STK32B: variants seen among roughly 807,000 people sequenced by gnomAD.
STK32B encodes serine/threonine kinase 32B, also known as serine/threonine-protein kinase 32B.
In STK32B, 43 loss-of-function variants were observed where a neutral mutation model predicts 52.6. That is an observed-to-expected ratio of 0.82 (90% CI 0.64 to 1.05). The LOEUF (loss-of-function observed/expected upper bound fraction) is 1.05. STK32B is among the 50% of genes least tolerant of loss of function. The pLI, the probability that STK32B is intolerant of heterozygous loss-of-function variation, is 0.00. For missense variants in STK32B, 621 were observed against 534.6 expected (o/e 1.16, Z -1.59); for synonymous variants, 238 against 204.3 (o/e 1.17, Z -1.41).
At chr4:5,418,380 A>G (rs1004250485) in intron 6 of STK32B, among the ~76,000 whole-genome samples, 1 of 152,234 alleles carries the variant, frequency 6.6e-6, no homozygotes, top group African/African-American at 2.4e-5. Context: ...TTATGCCTAG[A>G]TAATCCCCAT....
At chr4:5,311,070 G>C (rs1730261265) in intron 3 of STK32B, among the ~76,000 whole-genome samples, 1 of 152,070 alleles carries the variant, frequency 6.6e-6, no homozygotes, top group Admixed American at 6.6e-5. Flanking sequence ...ATGGAGGGAG[G>C]ATAGCCAAAG....
chr4:5,082,059 C>G (rs1357923618), intron 1 of STK32B, among the ~76,000 whole-genome samples: 4 of 152,126 alleles, frequency 2.6e-5, no homozygotes, highest in African/African-American at 9.7e-5. Context: ...TACTAGTCAG[C>G]CCAGCTAGGA....
intron 5 of STK32B, among the ~76,000 whole-genome samples, chr4:5,401,204 G>A (rs1338551761): frequency 6.6e-6 from 1 of 152,154 alleles, no homozygotes; most frequent in Non-Finnish European, 1.5e-5. Flanking sequence ...GCCATAAGAT[G>A]AGCAGGACAG....
chr4:5,328,076 A>C (rs1300069532), intron 3 of STK32B, among the ~76,000 whole-genome samples: 1 of 152,168 alleles, frequency 6.6e-6, no homozygotes, highest in Non-Finnish European at 1.5e-5. Context: ...CTTTTTCTGC[A>C]ACTCCCTCAC....
chr4:5,189,372 C>CT (rs1560209435), intron 3 of STK32B, among the ~76,000 whole-genome samples: 1 of 152,226 alleles, frequency 6.6e-6, no homozygotes, highest in Admixed American at 6.5e-5. Context: ...AGAGTTGTGC[C>CT]TTGTCCAGAA....
intron 11 of STK32B, among the ~76,000 whole-genome samples, chr4:5,493,557 T>G (rs1359504624): frequency 6.6e-6 from 1 of 152,016 alleles, no homozygotes; most frequent in African/African-American, 2.4e-5. Flanking sequence ...TTTTGAAGGG[T>G]TTTTTTGTGT....
chr4:5,199,420 A>G (rs925840042), intron 3 of STK32B, among the ~76,000 whole-genome samples: 20 of 151,144 alleles, frequency 1.3e-4, no homozygotes, highest in African/African-American at 4.9e-5. Flanking sequence ...TTGAAAACCT[A>G]TTGGTGCCTT....
chr4:5,201,317 C>T (rs1722123055), intron 3 of STK32B, among the ~76,000 whole-genome samples: 1 of 152,170 alleles, frequency 6.6e-6, no homozygotes, highest in African/African-American at 2.4e-5. Flanking sequence ...TCCTGCAGCC[C>T]CATTTGCCCT....
intron 3 of STK32B, among the ~76,000 whole-genome samples, chr4:5,247,464 C>T (rs963843314): frequency 3.3e-5 from 5 of 152,120 alleles, no homozygotes; most frequent in East Asian, 1.9e-4. Context: ...TTCCAGGTGC[C>T]GTCTGTCATC....
At chr4:5,248,946 G>A (rs1382106463) in intron 3 of STK32B, among the ~76,000 whole-genome samples, 1 of 149,906 alleles carries the variant, frequency 6.7e-6, no homozygotes, top group Non-Finnish European at 1.5e-5. Context: ...GAGAGGGGAG[G>A]AGGGATAGCA....
rs1736938281 is a variant in STK32B at position 5,396,632 on chromosome 4, T to C, written c.435-1575T>C. On this transcript the variant is annotated intron_variant, in intron 4 of 11. Coordinates refer to ENST00000282908, the MANE Select transcript of STK32B (RefSeq NM_018401.3). The surrounding 1 kb of genome is among the most constrained non-coding windows in gnomAD (Gnocchi z 4.7). ...TAGGCATTTTGTAGCTCACATTCCC[T>C]GGGCCACAGCCATCTCCTCCCTGGT... Among the ~76,000 whole-genome samples the C allele has an allele frequency of 6.6e-6, 1 of 152,188 alleles. No homozygotes were observed. The highest frequency in any genetic ancestry group is 2.4e-5 in the African/African-American group (1 of 41,456).
intron 11 of STK32B, among the ~76,000 whole-genome samples, chr4:5,483,509 T>C (rs186617678): frequency 6.6e-6 from 1 of 152,218 alleles, no homozygotes; most frequent in African/African-American, 2.4e-5. Flanking sequence ...TAGCAGTCTA[T>C]CAATTTTGTT....
At chr4:5,154,776 C>G (rs1717659703) in intron 2 of STK32B, among the ~76,000 whole-genome samples, 2 of 152,296 alleles carry the variant, frequency 1.3e-5, no homozygotes, top group Admixed American at 1.3e-4. Context: ...CCCATCCGCA[C>G]TTAGCTTGGT....
intron 11 of STK32B, among the ~76,000 whole-genome samples, chr4:5,477,834 G>C (rs1421101318): frequency 6.6e-6 from 1 of 152,172 alleles, no homozygotes; most frequent in Admixed American, 6.5e-5. Context: ...CCTGCCGTGT[G>C]CTGGGAACAG....
chr4:5,122,778 C>G (rs143331815), intron 1 of STK32B, among the ~76,000 whole-genome samples: 11 of 152,312 alleles, frequency 7.2e-5, no homozygotes, highest in Non-Finnish European at 1.3e-4. Context: ...CTGACTGCAT[C>G]TGGCGTTGGC....
intron 1 of STK32B, among the ~76,000 whole-genome samples, chr4:5,128,041 C>T (rs1209725327): frequency 6.6e-6 from 1 of 152,152 alleles, no homozygotes; most frequent in African/African-American, 2.4e-5. Flanking sequence ...AAACTTCTTT[C>T]CTTTATAAAT....
chr4:5,251,854 A>G (rs1404547899), intron 3 of STK32B, among the ~76,000 whole-genome samples: 1 of 152,112 alleles, frequency 6.6e-6, no homozygotes, highest in Non-Finnish European at 1.5e-5. Context: ...GTAACATTTG[A>G]TAATATGTCA....
At chr4:5,261,854 A>G (rs1726733913) in intron 3 of STK32B, among the ~76,000 whole-genome samples, 2 of 152,222 alleles carry the variant, frequency 1.3e-5, no homozygotes, top group African/African-American at 4.8e-5. Flanking sequence ...TAGCAGAAGC[A>G]CTGAGGATTG....
Position 5,331,289 on chromosome 4 carries a change from C to T in STK32B, c.330C>T (p.Tyr110=). ...VDLLLGGDLR[Y]HLQQNVHFTE... is the part of the protein sequence containing the mutation. ...TGCTCCTGGGAGGCGACCTGCGCTA[C>T]CATCTGCAGCAGAATGTGCATTTCA... The change falls in exon 4 of 12, where the codon TAC becomes TAT. Residue 110 remains tyrosine (Y), a synonymous_variant. Coordinates refer to ENST00000282908, the MANE Select transcript of STK32B (RefSeq NM_018401.3). The T allele has an allele frequency of 6.2e-7, 1 of 1,613,984 alleles. No homozygotes were observed. Among genetic ancestry groups the T allele is most frequent in the Non-Finnish European group, 8.5e-7 (1 of 1,179,934 alleles).
Sources: allele counts gnomAD v4.1 joint callset (sites outside exome capture counted in the v4.1 genomes callset), GRCh38; gene constraint gnomAD v4.1.1; non-coding constraint Gnocchi (gnomAD v3.1); transcripts MANE v1.5; gene names NCBI Gene and HGNC (gene_info 2026-07-23, HGNC 2026-07-21).